Variants in NCOA2 observed in about 807,000 individuals in gnomAD.
The protein encoded by NCOA2 is class E basic helix-loop-helix protein 75.
Under a neutral mutation model 145.1 loss-of-function variants are expected in NCOA2, and 21 were observed. The ratio of observed to expected loss-of-function variants is 0.14; its 90% CI spans 0.10 to 0.21. The LOEUF (loss-of-function observed/expected upper bound fraction) is 0.21, where lower values mean the gene tolerates loss of function less well. Ranked by LOEUF, NCOA2 falls within the 10% of genes least tolerant of loss-of-function variation. The probability of loss-of-function intolerance (pLI) is 1.00; values close to 1 mark genes in which losing one functional copy is unlikely to be tolerated. For synonymous variants in NCOA2, 619 were observed against 637.5 expected (o/e 0.97, Z 0.44); for missense variants, 1,472 against 1,837.6 (o/e 0.80, Z 3.64).
intron 5 of NCOA2, among the ~76,000 whole-genome samples, chr8:70,170,770 T>C (rs1814158864): frequency 6.6e-6 from 1 of 152,224 alleles, no homozygotes; most frequent in Non-Finnish European, 1.5e-5. Flanking sequence ...CAAGGTAATT[T>C]TGATCTATAG....
intron 1 of NCOA2, among the ~76,000 whole-genome samples, chr8:70,336,845 C>T (rs1807642460): frequency 6.6e-6 from 1 of 152,078 alleles, no homozygotes; most frequent in South Asian, 2.1e-4. Flanking sequence ...ATCCATTCAT[C>T]CACTGATGGA....
chr8:70,425,097 C>A, the NCOA2 span, among the ~76,000 whole-genome samples: 2 of 152,162 alleles, frequency 1.3e-5, no homozygotes, highest in Non-Finnish European at 2.9e-5. Flanking sequence ...AGAAATGCAT[C>A]TTCTAGAAAC....
intron 11 of NCOA2, 137 bp from the exon 12 acceptor site, chr8:70,148,620 T>A: frequency 1.5e-6 from 1 of 680,564 alleles, no homozygotes; most frequent in South Asian, 1.9e-5. Context: ...ACCACAGGCC[T>A]AACAGATAAT....
chr8:70,302,865 A>G (rs1325401853), intron 1 of NCOA2, among the ~76,000 whole-genome samples: 1 of 152,206 alleles, frequency 6.6e-6, no homozygotes, highest in Non-Finnish European at 1.5e-5. Flanking sequence ...TAGAAAAAAT[A>G]TATCAGTTTA....
the NCOA2 span, among the ~76,000 whole-genome samples, chr8:70,419,208 T>C: frequency 6.6e-6 from 1 of 152,158 alleles, no homozygotes; most frequent in Non-Finnish European, 1.5e-5. Context: ...GCTAGGTTTT[T>C]CATATGTTAA....
At chr8:70,183,512 T>C (rs1815712418) in intron 4 of NCOA2, among the ~76,000 whole-genome samples, 1 of 152,216 alleles carries the variant, frequency 6.6e-6, no homozygotes. Context: ...CACAATTCTG[T>C]TTATTAGCGC....
intron 15 of NCOA2, among the ~76,000 whole-genome samples, chr8:70,133,662 T>C (rs1000120075): frequency 1.3e-5 from 2 of 152,096 alleles, no homozygotes; most frequent in African/African-American, 4.8e-5. Flanking sequence ...ATTTACAGAT[T>C]AAAAAACAAA....
chr8:70,424,587 C>T, the NCOA2 span: 2 of 487,186 alleles, frequency 4.1e-6, no homozygotes, highest in Non-Finnish European at 8.3e-6. Flanking sequence ...GGCAGCAGCA[C>T]AAGCGGCGGT....
chr8:70,422,193 A>G, the NCOA2 span, among the ~76,000 whole-genome samples: 1 of 152,114 alleles, frequency 6.6e-6, no homozygotes, highest in Non-Finnish European at 1.5e-5. Flanking sequence ...CTGGGGCCCA[A>G]ATTTCTTTTC....
At chr8:70,355,195 TGAAGAACACA>T (rs1809575744) in intron 1 of NCOA2, among the ~76,000 whole-genome samples, 1 of 152,194 alleles carries the variant, frequency 6.6e-6, no homozygotes, top group African/African-American at 2.4e-5. Flanking sequence ...ATGCTCAGTA[TGAAGAACACA>T]GAAGAACATT....
At chr8:70,312,592 C>G (rs889799516) in intron 1 of NCOA2, among the ~76,000 whole-genome samples, 2 of 151,702 alleles carry the variant, frequency 1.3e-5, no homozygotes, top group Non-Finnish European at 2.9e-5. Context: ...GAAAACACTT[C>G]TGTGTATTTT....
At chr8:70,280,769 T>C (rs1223392848) in intron 2 of NCOA2, among the ~76,000 whole-genome samples, 1 of 152,088 alleles carries the variant, frequency 6.6e-6, no homozygotes, top group Non-Finnish European at 1.5e-5. Flanking sequence ...CCAAGCAGCT[T>C]TGGGGCTTTT....
chr8:70,440,083 G>A, the NCOA2 span, among the ~76,000 whole-genome samples: 11 of 152,160 alleles, frequency 7.2e-5, no homozygotes, highest in Non-Finnish European at 1.3e-4. Context: ...AACGAGGATC[G>A]AGACCATCCT....
At chr8:70,163,303 C>A (rs1474098016) in intron 8 of NCOA2, among the ~76,000 whole-genome samples, 162 bp downstream of exon 8, 1 of 152,122 alleles carries the variant, frequency 6.6e-6, no homozygotes, top group African/African-American at 2.4e-5. Context: ...ACAGTGAGAG[C>A]CAGTGGCTCT....
At chr8:70,138,601 G>A (rs772034358) in intron 14 of NCOA2, among the ~76,000 whole-genome samples, 3 of 152,214 alleles carry the variant, frequency 2.0e-5, no homozygotes, top group South Asian at 2.1e-4. Flanking sequence ...ATTCATGTGC[G>A]TTATATCTTA....
chr8:70,428,229 G>A, the NCOA2 span, among the ~76,000 whole-genome samples: 1 of 151,846 alleles, frequency 6.6e-6, no homozygotes, highest in Non-Finnish European at 1.5e-5. Context: ...TGAGGAGGGA[G>A]GACTGCTTGA....
At chr8:70,179,213 G>C (rs1815205791) in intron 4 of NCOA2, among the ~76,000 whole-genome samples, 1 of 152,052 alleles carries the variant, frequency 6.6e-6, no homozygotes, top group Non-Finnish European at 1.5e-5. Context: ...ATTCTGTATT[G>C]AATTTGTGCT....
intron 1 of NCOA2, among the ~76,000 whole-genome samples, chr8:70,311,415 G>T (rs192503880): frequency 3.3e-5 from 5 of 152,044 alleles, no homozygotes; most frequent in African/African-American, 1.2e-4. Flanking sequence ...ATAGTAATTT[G>T]TCAGAATTTC....
intron 1 of NCOA2, among the ~76,000 whole-genome samples, chr8:70,381,601 C>T (rs1046853402): frequency 6.6e-6 from 1 of 152,132 alleles, no homozygotes; most frequent in African/African-American, 2.4e-5. Flanking sequence ...TGTAGTGACA[C>T]CATATAATTA....
Sources: gnomAD v4.1 joint callset for allele counts (sites outside exome capture counted in the v4.1 genomes callset) on GRCh38, gnomAD v4.1.1 for gene constraint, MANE v1.5 for transcripts, NCBI Gene and HGNC (gene_info 2026-07-23, HGNC 2026-07-21) for gene names.